The following SBF2 variants were observed in gnomAD, a reference collection of about 807,000 sequenced individuals.
The protein encoded by SBF2 is SET binding factor 2.
In SBF2, 112 loss-of-function variants were observed where a neutral mutation model predicts 225.2. That is an observed-to-expected ratio of 0.50 (90% CI 0.43 to 0.58). The LOEUF is 0.58. Among genes scored for constraint, SBF2 ranks in the 20% least tolerant of loss-of-function variants. The pLI is 0.00. For missense variants in SBF2, 1,996 were observed against 2,206.2 expected, an observed-to-expected ratio of 0.90 and a Z score of 1.91; for synonymous variants, 763 against 773.3, an observed-to-expected ratio of 0.99 and a Z score of 0.22.
At chr11:9,867,712 T>C (rs1205610782) in intron 17 of SBF2, among the ~76,000 whole-genome samples, 1 of 152,216 alleles carries the variant, frequency 6.6e-6, no homozygotes, top group Non-Finnish European at 1.5e-5. Flanking sequence ...TCCTGTCATT[T>C]GCAGCAACAT....
intron 6 of SBF2, among the ~76,000 whole-genome samples, chr11:10,027,138 A>G (rs1793858316): frequency 6.6e-6 from 1 of 152,140 alleles, no homozygotes; most frequent in African/African-American, 2.4e-5. Context: ...AGTATACAAT[A>G]CATTGTTATT....
At chr11:9,830,639 C>T (rs1159874606) in intron 27 of SBF2, among the ~76,000 whole-genome samples, 1 of 151,246 alleles carries the variant, frequency 6.6e-6, no homozygotes, top group African/African-American at 2.4e-5. Context: ...ACTCGGGAGG[C>T]TGAGGCAGGA....
rs149431064 is a variant in SBF2, at chr11:9,789,542, T to G, written c.4699-200A>C. ...CATTCTCCAATCCTCCCTCCTACAT[T>G]GAGAAATGTAACTTCCTAATGACGT... On this transcript the variant is annotated intron_variant, in intron 34 of 39. Coordinates refer to ENST00000256190, the MANE Select transcript of SBF2 (RefSeq NM_030962.4). Among the ~76,000 whole-genome samples the G allele has an allele frequency of 1.6e-3, 248 of 152,248 alleles. 1 individual carries two copies. Among genetic ancestry groups the G allele is most frequent in the African/African-American group, 5.5e-3 (230 of 41,558 alleles).
At chr11:9,868,505 G>A (rs12361687) in intron 17 of SBF2, among the ~76,000 whole-genome samples, 40,423 of 151,448 alleles carry the variant, frequency 0.27, 6,278 homozygotes, top group Non-Finnish European at 0.36. Context: ...GCAACAGAGT[G>A]ACAGACAAAA....
At chr11:10,155,406 A>AC (rs1955422994) in intron 2 of SBF2, among the ~76,000 whole-genome samples, 1 of 151,838 alleles carries the variant, frequency 6.6e-6, no homozygotes, top group African/African-American at 2.4e-5. Context: ...CAAACTCATA[A>AC]GTATGAGGCC....
chr11:10,200,116 C>T (rs1957520292), intron 1 of SBF2, among the ~76,000 whole-genome samples: 1 of 152,094 alleles, frequency 6.6e-6, no homozygotes, highest in Admixed American at 6.6e-5. Flanking sequence ...GTTTTATATA[C>T]ATATGAAACA....
chr11:10,061,942 A>G (rs1950460585), intron 2 of SBF2, among the ~76,000 whole-genome samples: 1 of 152,232 alleles, frequency 6.6e-6, no homozygotes. Context: ...ACTTCAAACT[A>G]TAGTGCAAGG....
At chr11:10,025,829 G>C (rs1013970371) in intron 6 of SBF2, among the ~76,000 whole-genome samples, 1 of 152,110 alleles carries the variant, frequency 6.6e-6, no homozygotes, top group Non-Finnish European at 1.5e-5. Context: ...TCGAACACCT[G>C]CCCTAAAGTG....
intron 2 of SBF2, among the ~76,000 whole-genome samples, chr11:10,154,223 T>A (rs1261008467): frequency 6.6e-6 from 1 of 152,156 alleles, no homozygotes; most frequent in South Asian, 2.1e-4. Context: ...ATAATTTTTG[T>A]AAATTGATCT....
At chr11:9,796,348 C>CTCACTACA (rs1853123914) in intron 32 of SBF2, among the ~76,000 whole-genome samples, 1 of 152,062 alleles carries the variant, frequency 6.6e-6, no homozygotes, top group African/African-American at 2.4e-5. Context: ...CTCTACCCCA[C>CTCACTACA]TCACTACATT....
chr11:10,009,135 C>G (rs1948331100), intron 6 of SBF2, among the ~76,000 whole-genome samples: 1 of 152,174 alleles, frequency 6.6e-6, no homozygotes, highest in Non-Finnish European at 1.5e-5. Context: ...TCAAGGAAAC[C>G]ACACACAAGG....
intron 28 of SBF2, 22 bp from the exon 29 acceptor site, chr11:9,817,046 G>A: frequency 6.2e-7 from 1 of 1,613,474 alleles, no homozygotes; most frequent in Non-Finnish European, 8.5e-7. Context: ...CCAAAGTCGT[G>A]GAGTGAGATA....
intron 37 of SBF2, 83 bp downstream of exon 37, chr11:9,785,042 C>T (rs1852279964): frequency 6.0e-6 from 7 of 1,163,870 alleles, no homozygotes; most frequent in Non-Finnish European, 9.0e-6. Context: ...ACTGCACAGG[C>T]CTAGCTTATT....
intron 13 of SBF2, among the ~76,000 whole-genome samples, chr11:9,982,056 A>G (rs1352891640): frequency 1.3e-5 from 2 of 152,188 alleles, no homozygotes; most frequent in East Asian, 1.9e-4. Context: ...TGGTGTTCAA[A>G]TAGTTATTTC....
intron 3 of SBF2, among the ~76,000 whole-genome samples, chr11:10,033,097 T>C (rs890422334): frequency 1.3e-5 from 2 of 152,184 alleles, no homozygotes; most frequent in Admixed American, 6.5e-5. Flanking sequence ...AAAAATTAGG[T>C]TGGTTGGTTT....
chr11:9,967,939 G>GTCTC (rs1458159453), intron 14 of SBF2, among the ~76,000 whole-genome samples: 17 of 103,664 alleles, frequency 1.6e-4, no homozygotes, highest in Non-Finnish European at 2.8e-4. Flanking sequence ...CTGTCTGTCT[G>GTCTC]TCTGTCTGTC....
intron 20 of SBF2, 65 bp from the exon 21 acceptor site, chr11:9,852,814 A>C: frequency 1.7e-6 from 2 of 1,207,534 alleles, no homozygotes; most frequent in South Asian, 2.4e-5. Flanking sequence ...CAAATTCTGG[A>C]TATTTTAGAA....
At chr11:10,030,395 T>G (rs912413715) in intron 4 of SBF2, among the ~76,000 whole-genome samples, 1 of 152,194 alleles carries the variant, frequency 6.6e-6, no homozygotes, top group Admixed American at 6.5e-5. Context: ...TCTTTCAGTA[T>G]AGCAAAATTT....
intron 2 of SBF2, among the ~76,000 whole-genome samples, chr11:10,172,224 G>A (rs967040840): frequency 9.9e-5 from 15 of 151,930 alleles, no homozygotes; most frequent in African/African-American, 3.6e-4. Context: ...TGCATCATTA[G>A]GTTGTTTATG....
Sources: gnomAD v4.1 joint callset for allele counts (sites outside exome capture counted in the v4.1 genomes callset) on GRCh38, gnomAD v4.1.1 for gene constraint, MANE v1.5 for transcripts, NCBI Gene and HGNC (gene_info 2026-07-23, HGNC 2026-07-21) for gene names.